Variants in AK5 observed in about 807,000 individuals in gnomAD.
AK5 encodes the protein adenylate kinase 5, also known as adenylate kinase isoenzyme 5.
Under a neutral mutation model 69.5 loss-of-function variants are expected in AK5, and 27 were observed. The observed-to-expected ratio is 0.39, with a 90% CI of 0.29 to 0.54. The LOEUF is 0.54. Ranked by LOEUF, AK5 falls within the 20% of genes least tolerant of loss-of-function variation. The probability of loss-of-function intolerance (pLI) is 0.71; values close to 1 mark genes in which losing one functional copy is unlikely to be tolerated. For missense variants in AK5, 531 were observed against 700.4 expected (o/e 0.76, Z 2.73); for synonymous variants, 260 against 244.4 (o/e 1.06, Z -0.60).
Position 77,282,146 on chromosome 1 carries a change from C to A in AK5, c.-168C>A. 1 of 513,552 alleles carries A rather than the reference C, an allele frequency of 1.9e-6. No homozygotes were observed. Among genetic ancestry groups the A allele is most frequent in the Non-Finnish European group, 3.3e-6 (1 of 300,146 alleles). The allele number at this position is 513,552 out of a possible 1,614,324, so 31.8% of individuals were successfully genotyped here. ...GGAGACCACAGCCCCCGGGGAGAGG[C>A]GGAGGGGGTCCCTGGCCTGGGCGGA... On this transcript the variant is annotated 5_prime_UTR_variant, in exon 1 of 14. Coordinates refer to ENST00000354567, the MANE Select transcript of AK5 (RefSeq NM_174858.3).
chr1:77,418,720 T>A (rs571820562), intron 8 of AK5, among the ~76,000 whole-genome samples: 2 of 152,212 alleles, frequency 1.3e-5, no homozygotes. Flanking sequence ...CAAGTGAACA[T>A]GTTCTTGGGG....
intron 6 of AK5, 115 bp downstream of exon 6, chr1:77,340,683 A>G: frequency 2.4e-6 from 2 of 823,706 alleles, no homozygotes; most frequent in Non-Finnish European, 3.5e-6. Flanking sequence ...TTTGGGGGGT[A>G]CAGAACCAAT....
intron 6 of AK5, among the ~76,000 whole-genome samples, chr1:77,396,902 C>T (rs1476374974): frequency 6.6e-6 from 1 of 152,198 alleles, no homozygotes; most frequent in African/African-American, 2.4e-5. Flanking sequence ...TGCCTATTAC[C>T]TAGCATATAT....
At chr1:77,301,315 A>C (rs1010723138) in intron 5 of AK5, among the ~76,000 whole-genome samples, 51 of 152,164 alleles carry the variant, frequency 3.4e-4, no homozygotes, top group African/African-American at 8.7e-4. Flanking sequence ...TGGACGGGGA[A>C]GAGAATGTGA....
At chr1:77,420,912 C>A (rs1318882984) in intron 8 of AK5, among the ~76,000 whole-genome samples, 1 of 152,176 alleles carries the variant, frequency 6.6e-6, no homozygotes, top group Non-Finnish European at 1.5e-5. Flanking sequence ...ACTACTCAAA[C>A]TCTGCCATCA....
intron 12 of AK5, among the ~76,000 whole-genome samples, chr1:77,530,280 GA>G (rs550637741): frequency 2.2e-3 from 342 of 152,314 alleles, no homozygotes; most frequent in African/African-American, 8.0e-3. Flanking sequence ...TGTGTGGGGG[GA>G]GAAGTTATAT....
rs146670012 is a variant in AK5 at position 77,325,964 on chromosome 1, G to A, written c.700-14413G>A. Reference sequence around the variant, plus strand: ...ATTAAACAATTAATAAATGTTTATGGATTGGAGTGGAAAAATGAGTGATTC... The same window carrying A: ...ATTAAACAATTAATAAATGTTTATGAATTGGAGTGGAAAAATGAGTGATTC... On this transcript the variant is annotated intron_variant, in intron 5 of 13. Transcript: ENST00000354567. Among the ~76,000 whole-genome samples, 32 of 152,228 alleles carry A rather than the reference G, an allele frequency of 2.1e-4. No individual in the cohort carries two copies. In the East Asian group the frequency reaches 6.2e-3, roughly 29 times the overall value.
At chr1:77,363,592 C>G (rs547554496) in intron 6 of AK5, among the ~76,000 whole-genome samples, 30 of 152,302 alleles carry the variant, frequency 2.0e-4, no homozygotes, top group African/African-American at 7.2e-4. Flanking sequence ...ATCCTGTTCT[C>G]TCTATGACCT....
intron 10 of AK5, 79 bp from the exon 11 acceptor site, chr1:77,518,485 C>G: frequency 6.8e-7 from 1 of 1,466,640 alleles, no homozygotes; most frequent in East Asian, 2.3e-5. Context: ...AACACTGAGG[C>G]TTGCTCACCA....
chr1:77,515,373 G>A (rs1657578089), intron 10 of AK5, among the ~76,000 whole-genome samples: 1 of 152,194 alleles, frequency 6.6e-6, no homozygotes, highest in Non-Finnish European at 1.5e-5. Context: ...ACCGCACAAA[G>A]AAAGGAGTTT....
At chr1:77,380,522 CAT>C (rs1647557285) in intron 6 of AK5, among the ~76,000 whole-genome samples, 2 of 152,324 alleles carry the variant, frequency 1.3e-5, no homozygotes, top group Admixed American at 1.3e-4. Flanking sequence ...ATGTACAACA[CAT>C]GTGCTATGCC....
At chr1:77,490,879 G>A (rs1224508489) in intron 10 of AK5, among the ~76,000 whole-genome samples, 2 of 148,752 alleles carry the variant, frequency 1.3e-5, no homozygotes, top group African/African-American at 5.0e-5. Context: ...GCCTGCCTAT[G>A]CCCAAAATGT....
chr1:77,449,746 A>C (rs924004257), intron 8 of AK5, among the ~76,000 whole-genome samples: 6 of 152,020 alleles, frequency 3.9e-5, no homozygotes, highest in African/African-American at 1.5e-4. Flanking sequence ...ACCCAGTGGG[A>C]GGTAATTGAG....
chr1:77,526,466 T>C (rs1295765619), intron 12 of AK5, among the ~76,000 whole-genome samples: 1 of 101,834 alleles, frequency 9.8e-6, no homozygotes, highest in Non-Finnish European at 2.0e-5. Flanking sequence ...AATAAAAGTC[T>C]TTTTTTTTTT....
chr1:77,290,573 A>G (rs1658630818), intron 2 of AK5, among the ~76,000 whole-genome samples: 1 of 152,212 alleles, frequency 6.6e-6, no homozygotes, highest in Non-Finnish European at 1.5e-5. Context: ...CCACATGCAT[A>G]CAATTGAATA....
At chr1:77,290,760 G>A (rs901743296) in intron 2 of AK5, among the ~76,000 whole-genome samples, 1 of 152,106 alleles carries the variant, frequency 6.6e-6, no homozygotes, top group Admixed American at 6.5e-5. Flanking sequence ...AGTCAGTTGG[G>A]CAATAAATTA....
intron 13 of AK5, 113 bp from the exon 14 acceptor site, chr1:77,558,489 T>G: frequency 1.6e-6 from 1 of 610,212 alleles, no homozygotes; most frequent in Non-Finnish European, 2.9e-6. Flanking sequence ...GGGGGGGTCT[T>G]GTGTTTTAAA....
intron 13 of AK5, among the ~76,000 whole-genome samples, chr1:77,538,353 A>G (rs1322443045): frequency 1.3e-5 from 2 of 151,046 alleles, no homozygotes; most frequent in African/African-American, 4.9e-5. Context: ...AAAAACAACA[A>G]CAACAACAAA....
intron 6 of AK5, among the ~76,000 whole-genome samples, chr1:77,377,810 T>C (rs573509126): frequency 1.3e-5 from 2 of 152,336 alleles, no homozygotes; most frequent in South Asian, 4.1e-4. Flanking sequence ...GTTTCTTTTT[T>C]TATTTAATTT....
Sources: gnomAD v4.1 joint callset for allele counts (sites outside exome capture counted in the v4.1 genomes callset) on GRCh38, gnomAD v4.1.1 for gene constraint, MANE v1.5 for transcripts, NCBI Gene and HGNC (gene_info 2026-07-23, HGNC 2026-07-21) for gene names.